The following LRRC1 variants were observed in gnomAD, a reference collection of about 807,000 sequenced individuals.
The protein encoded by LRRC1 is leucine rich repeat containing 1.
Under a neutral mutation model 69.9 loss-of-function variants are expected in LRRC1, and 28 were observed. The observed-to-expected ratio is 0.40, with a 90% confidence interval of 0.30 to 0.55. LRRC1 has a LOEUF of 0.55. Ranked by LOEUF, LRRC1 falls within the 20% of genes least tolerant of loss-of-function variation. The pLI is 0.47. For synonymous variants in LRRC1, 236 were observed against 240.2 expected (o/e 0.98, Z 0.16); for missense variants, 498 against 609.0 (o/e 0.82, Z 1.92).
intron 4 of LRRC1, among the ~76,000 whole-genome samples, chr6:53,891,570 A>G (rs1271975468): frequency 2.0e-5 from 3 of 152,042 alleles, no homozygotes; most frequent in Non-Finnish European, 4.4e-5. Context: ...ACCTAAAGAA[A>G]GCCCTGCATG....
chr6:53,837,232 T>C (rs1022600293), intron 1 of LRRC1, among the ~76,000 whole-genome samples: 5 of 151,910 alleles, frequency 3.3e-5, no homozygotes, highest in Non-Finnish European at 7.4e-5. Context: ...TTTTTAAAGA[T>C]CTATACCTAG....
At chr6:53,825,706 G>A (rs940243839) in intron 1 of LRRC1, among the ~76,000 whole-genome samples, 3 of 152,090 alleles carry the variant, frequency 2.0e-5, no homozygotes, top group Non-Finnish European at 2.9e-5. Context: ...CCAGGAGTCT[G>A]ATGATAACGC....
chr6:53,865,726 TTTC>T (rs1202128927), intron 2 of LRRC1, among the ~76,000 whole-genome samples: 1 of 43,270 alleles, frequency 2.3e-5, no homozygotes, highest in Non-Finnish European at 5.2e-5. Flanking sequence ...TGACTCAGTC[TTTC>T]TTTTTTTTTT....
chr6:53,875,336 A>C (rs1386511074), intron 2 of LRRC1, among the ~76,000 whole-genome samples: 1 of 152,188 alleles, frequency 6.6e-6, no homozygotes, highest in Non-Finnish European at 1.5e-5. Flanking sequence ...ACAGCAAACT[A>C]CTTGGAGAAA....
chr6:53,831,380 G>A (rs1402548472), intron 1 of LRRC1, among the ~76,000 whole-genome samples: 3 of 152,128 alleles, frequency 2.0e-5, no homozygotes, highest in Non-Finnish European at 4.4e-5. Flanking sequence ...TAGTATTTGC[G>A]ATATTCTATT....
At chr6:53,842,049 A>T in intron 1 of LRRC1, 61 bp from the exon 2 acceptor site, 1 of 1,038,340 alleles carries the variant, frequency 9.6e-7, no homozygotes, top group East Asian at 2.4e-5. Context: ...ATTTCATAGT[A>T]GCCCAAAAGT....
intron 1 of LRRC1, among the ~76,000 whole-genome samples, chr6:53,816,692 A>G (rs1764959140): frequency 6.8e-6 from 1 of 146,912 alleles, no homozygotes; most frequent in African/African-American, 2.5e-5. Flanking sequence ...ATACTTTGTA[A>G]ACTGAATATT....
At chr6:53,867,476 T>C (rs1017850375) in intron 2 of LRRC1, among the ~76,000 whole-genome samples, 2 of 151,120 alleles carry the variant, frequency 1.3e-5, no homozygotes, top group African/African-American at 4.9e-5. Flanking sequence ...AATTCAGAAA[T>C]AATGATAGCT....
At chr6:53,891,006 T>G (rs2127433929) in intron 4 of LRRC1, among the ~76,000 whole-genome samples, 1 of 152,354 alleles carries the variant, frequency 6.6e-6, no homozygotes, top group South Asian at 2.1e-4. Context: ...TGTAAATTCC[T>G]TAAAGTAACC....
At chr6:53,795,539 T>G in intron 1 of LRRC1, 124 bp downstream of exon 1, 1 of 853,136 alleles carries the variant, frequency 1.2e-6, no homozygotes. Flanking sequence ...CTTTTATGCA[T>G]TCACCTGCTT....
chr6:53,857,262 C>T (rs558060312), intron 2 of LRRC1, among the ~76,000 whole-genome samples: 7 of 152,168 alleles, frequency 4.6e-5, no homozygotes, highest in Admixed American at 3.3e-4. Flanking sequence ...TATCCCTGCT[C>T]AAGGGAAAGC....
At chr6:53,854,734 T>C (rs1766255384) in intron 2 of LRRC1, among the ~76,000 whole-genome samples, 1 of 152,246 alleles carries the variant, frequency 6.6e-6, no homozygotes, top group Non-Finnish European at 1.5e-5. Context: ...ATCATTAACA[T>C]TTTTGTACAT....
Position 53,922,785 on chromosome 6 carries a change from T to C in LRRC1, c.1567T>C (p.Ser523Pro), listed in dbSNP as rs1194411491. 1 of 1,613,216 alleles carries C rather than the reference T, an allele frequency of 6.2e-7. No homozygotes were observed. The highest frequency in any genetic ancestry group is 1.7e-5 in the Admixed American group (1 of 59,992). ...VNHAIDRVTT[S>P]V ...TCATGCCATTGACCGAGTGACCACTTCTGTGTAGAGTTTCACCTCCAAGTT... is the reference window on the plus strand; with the variant it reads ...TCATGCCATTGACCGAGTGACCACTCCTGTGTAGAGTTTCACCTCCAAGTT... Residue 523 changes from serine (S) to proline (P), a missense_variant, in exon 14 of 14, where the codon TCT becomes CCT. By Grantham distance (74) the Ser-to-Pro change is moderately conservative (BLOSUM62 -1). Coordinates refer to ENST00000370888, the MANE Select transcript of LRRC1 (RefSeq NM_018214.5).
At chr6:53,850,264 T>A (rs1157237408) in intron 2 of LRRC1, among the ~76,000 whole-genome samples, 3 of 152,180 alleles carry the variant, frequency 2.0e-5, no homozygotes, top group Admixed American at 6.5e-5. Context: ...TAGCAACTGA[T>A]GTGAAAAAGA....
At chr6:53,914,706 GCTATTCT>G (rs1768513077) in intron 11 of LRRC1, among the ~76,000 whole-genome samples, 2 of 152,124 alleles carry the variant, frequency 1.3e-5, no homozygotes, top group Non-Finnish European at 2.9e-5. Context: ...ACAGAAACAG[GCTATTCT>G]TTCTTTTGGG....
At chr6:53,817,302 A>T (rs1451472199) in intron 1 of LRRC1, among the ~76,000 whole-genome samples, 2 of 152,090 alleles carry the variant, frequency 1.3e-5, no homozygotes, top group African/African-American at 4.8e-5. Flanking sequence ...TTTCTTATTT[A>T]AAAAAATTAT....
rs1768491072 is a variant in LRRC1 at position 53,913,945 on chromosome 6, A to G, written c.1082A>G (p.His361Arg). ...GAGGTGTCACAGGCAACAGAACTTC[A>G]TGTCCTGGATGTGGCAGGGAACAGG... The part of the protein sequence containing the change: ...PAEVSQATEL[H>R]VLDVAGNRLL... Residue 361 changes from histidine (H) to arginine (R), a missense_variant, in exon 11 of 14, where the codon CAT becomes CGT. Physicochemically the swap from His to Arg is conservative, Grantham distance 29. Around this residue, in one of 3 missense-constraint regions of LRRC1, gnomAD observed 266 missense variants for 383.9 expected, o/e 0.69. Transcript: ENST00000370888. 1.2e-6 allele frequency: 2 copies of G among 1,611,656 alleles called. No homozygotes were observed. Among genetic ancestry groups the G allele is most frequent in the South Asian group, 1.1e-5 (1 of 90,876 alleles).
intron 2 of LRRC1, among the ~76,000 whole-genome samples, chr6:53,864,215 C>G (rs1169850859): frequency 1.3e-5 from 2 of 152,138 alleles, no homozygotes; most frequent in Non-Finnish European, 2.9e-5. Context: ...TTCTCTTCCC[C>G]TCTGCCTCCT....
At chr6:53,849,906 A>T (rs1484675967) in intron 2 of LRRC1, among the ~76,000 whole-genome samples, 2 of 152,186 alleles carry the variant, frequency 1.3e-5, no homozygotes, top group Non-Finnish European at 2.9e-5. Context: ...ACAATGAGCT[A>T]TGATTATGCC....
Sources: gnomAD v4.1 joint callset for allele counts (sites outside exome capture counted in the v4.1 genomes callset) on GRCh38, gnomAD v4.1.1 for gene constraint, gnomAD v4.1.1 regional missense constraint, MANE v1.5 for transcripts, NCBI Gene and HGNC (gene_info 2026-07-23, HGNC 2026-07-21) for gene names.